The following C6orf58 variants were observed in gnomAD, a reference collection of about 807,000 sequenced individuals.
The protein encoded by C6orf58 is chromosome 6 open reading frame 58, also known as protein LEG1 homolog.
In C6orf58, 30 loss-of-function variants were observed where a neutral mutation model predicts 37.0. The ratio of observed to expected loss-of-function variants is 0.81; its 90% CI spans 0.61 to 1.10. The LOEUF is 1.10. C6orf58 is among the 50% of genes least tolerant of loss of function. C6orf58 has a pLI of 0.00. For synonymous variants in C6orf58, 143 were observed against 134.1 expected (o/e 1.07, Z -0.46); for missense variants, 368 against 387.5 (o/e 0.95, Z 0.42).
Position 127,591,779 on chromosome 6 carries a change from A to C in C6orf58, c.*157A>C. The C allele has an allele frequency of 1.7e-6, 1 of 589,114 alleles. No individual in the cohort carries two copies. The highest frequency in any genetic ancestry group is 2.5e-6 in the Non-Finnish European group (1 of 404,628). The allele number at this position is 589,114 out of a possible 1,614,324, so 36.5% of individuals were successfully genotyped here. On this transcript the variant is annotated 3_prime_UTR_variant, in exon 6 of 6. Transcript: ENST00000329722. The stretch of plus-strand genomic sequence containing the variant: ...ATGCTTATTTGTTAAGATCTTGTAC[A>C]TGTATTAAAAACTTAAATTAAATGC...
intron 4 of C6orf58, among the ~76,000 whole-genome samples, 190 bp downstream of exon 4, chr6:127,581,472 G>A (rs1402058940): frequency 1.3e-5 from 2 of 148,162 alleles, no homozygotes; most frequent in African/African-American, 2.5e-5. Context: ...GTTTTATGAA[G>A]AAGGGGAAAA....
In C6orf58 at chr6:127,581,285, A is replaced by G. The variant is rs1425049785; in HGVS notation, c.674+3A>G. 4.3e-6 allele frequency: 6 copies of G among 1,392,074 alleles called. No individual in the cohort carries two copies. The highest frequency in any genetic ancestry group is 5.9e-6 in the Non-Finnish European group (6 of 1,015,736). 86.2% of individuals were successfully genotyped at this position (1,392,074 alleles called of 1,614,324 possible). On this transcript the variant is annotated splice_donor_region_variant and intron_variant, in intron 4 of 5. Transcript: ENST00000329722. ...AATATCAAAAGTTTTGAAGACAGGT[A>G]AGAATGAATCTTTAAAGTATCTCTA...
intron 4 of C6orf58, among the ~76,000 whole-genome samples, chr6:127,583,962 C>A (rs779892060): frequency 1.4e-4 from 21 of 152,272 alleles, no homozygotes; most frequent in Non-Finnish European, 1.9e-4. Context: ...TGCTGTCAAT[C>A]AGTAGGACCT....
At chr6:127,578,871 G>C (rs1046138483) in intron 2 of C6orf58, 99 bp downstream of exon 2, 32 of 854,084 alleles carry the variant, frequency 3.7e-5, no homozygotes, top group Admixed American at 1.7e-4. Context: ...AAATAATCCT[G>C]TTCCTATTTT....
chr6:127,578,912 T>C lies in C6orf58; in HGVS notation c.388+140T>C, dbSNP rs1775018705. The C allele has an allele frequency of 4.9e-6, 3 of 616,204 alleles. No individual in the cohort carries two copies. In the South Asian group the frequency reaches 6.7e-5, roughly 14 times the overall value. The allele number at this position is 616,204 out of a possible 1,614,324, so 38.2% of individuals were successfully genotyped here. On this transcript the variant is annotated intron_variant, in intron 2 of 5. Coordinates refer to ENST00000329722, the MANE Select transcript of C6orf58 (RefSeq NM_001010905.3). ...GGAATCTATTTCACCGTGTACCTTA[T>C]GGCCTTTAGGTCACTTTAAGGGATT... is the stretch of plus-strand genomic sequence containing the variant.
At chr6:127,578,652 T>C in intron 1 of C6orf58, 34 bp from the exon 2 acceptor site, 8 of 1,496,198 alleles carry the variant, frequency 5.3e-6, no homozygotes, top group Non-Finnish European at 7.4e-6. Flanking sequence ...AAAATGCGTA[T>C]AATAAATACG....
At chr6:127,577,567 C>A in intron 1 of C6orf58, 81 bp downstream of exon 1, 1 of 1,162,056 alleles carries the variant, frequency 8.6e-7, no homozygotes, top group South Asian at 1.4e-5. Flanking sequence ...CTGTATATAC[C>A]CTACTATGTT....
intron 3 of C6orf58, 81 bp downstream of exon 3, chr6:127,580,530 C>A: frequency 1.9e-6 from 2 of 1,040,262 alleles, no homozygotes; most frequent in Non-Finnish European, 2.9e-6. Context: ...TTGTGCATTA[C>A]ATAATATTTT....
Position 127,590,237 on chromosome 6 carries a change from T to C in C6orf58, c.825T>C (p.Asp275=). Residue 275 remains aspartate, a synonymous_variant, in exon 5 of 6, where the codon GAT becomes GAC. Transcript: ENST00000329722. The part of the protein sequence containing the change: ...GMPPRILLNT[D]VAPFISDFTA... ...CACCACGAATTCTTCTTAATACTGA[T>C]GTAGCCCCTTTCATCAGTGACTTTA... The C allele has an allele frequency of 6.2e-7, 1 of 1,613,844 alleles. No homozygotes were observed. The highest frequency in any genetic ancestry group is 2.2e-5 in the East Asian group (1 of 44,852).
chr6:127,577,299 T>C lies in C6orf58; in HGVS notation c.114T>C (p.Gly38=). 1 of 1,613,654 alleles carries C rather than the reference T, an allele frequency of 6.2e-7. No individual in the cohort carries two copies. Among genetic ancestry groups the C allele is most frequent in the Non-Finnish European group, 8.5e-7 (1 of 1,179,648 alleles). ...TEPPLWKESP[G]QLSDYRVENS... is the part of the protein sequence containing the mutation. Reference sequence around the variant, plus strand: ...CCCCTCTGTGGAAGGAGAGTCCTGGTCAGCTCAGTGACTACAGGGTGGAGA... The same window carrying C: ...CCCCTCTGTGGAAGGAGAGTCCTGGCCAGCTCAGTGACTACAGGGTGGAGA... Residue 38 remains glycine (G), a synonymous_variant, in exon 1 of 6, where the codon GGT becomes GGC. Coordinates refer to ENST00000329722, the MANE Select transcript of C6orf58 (RefSeq NM_001010905.3).
Position 127,577,216 on chromosome 6 carries a change from C to A in C6orf58, c.31C>A (p.Leu11Ile), listed in dbSNP as rs1774997759. 6.2e-7 allele frequency: 1 copy of A among 1,613,370 alleles called. No individual in the cohort carries two copies. The highest frequency in any genetic ancestry group is 8.5e-7 in the Non-Finnish European group (1 of 1,179,618). The change falls in exon 1 of 6, where the codon CTA becomes ATA. Residue 11 changes from leucine (L) to isoleucine (I), a missense_variant. Transcript: ENST00000329722. ...TTTTCTTCCTTCCTGGGTTTGTGTA[C>A]TAGTTGGTTCCTTTTCTGCTTCCTT... MAFLPSWVCV[L>I]VGSFSASLAG...
At chr6:127,581,049 CA>C (rs2114291948) in intron 3 of C6orf58, 132 bp from the exon 4 acceptor site, 1 of 405,528 alleles carries the variant, frequency 2.5e-6, no homozygotes, top group African/African-American at 2.1e-5. Context: ...AGGCCATATA[CA>C]TACTTTTTCT....
At chr6:127,583,069 C>T (rs1354140648) in intron 4 of C6orf58, among the ~76,000 whole-genome samples, 3 of 152,122 alleles carry the variant, frequency 2.0e-5, no homozygotes, top group Non-Finnish European at 4.4e-5. Context: ...ATAAATTTGC[C>T]TACAAACGTC....
Position 127,580,132 on chromosome 6 carries a change from T to C in C6orf58, c.389-133T>C, listed in dbSNP as rs565786080. On this transcript the variant is annotated intron_variant, in intron 2 of 5. Transcript: ENST00000329722. ...TCCTTAGGGGGATTTTTGTTCAATA[T>C]TTTTTTCCTAATGGTTAGCTTTTAT... 6.6e-6 allele frequency: 4 copies of C among 605,408 alleles called. No homozygotes were observed. In the East Asian group the frequency reaches 1.1e-4, roughly 17 times the overall value. 37.5% of individuals were successfully genotyped at this position (605,408 alleles called of 1,614,324 possible). A position where few individuals can be genotyped will look rare whatever the true frequency, so the allele number is the denominator to read the frequency against.
intron 5 of C6orf58, among the ~76,000 whole-genome samples, chr6:127,590,720 A>G (rs1775153604): frequency 6.6e-6 from 1 of 152,100 alleles, no homozygotes; most frequent in Admixed American, 6.6e-5. Flanking sequence ...ACCTGCCATG[A>G]TTAATGAAAT....
At chr6:127,582,685 C>G (rs1775063006) in intron 4 of C6orf58, among the ~76,000 whole-genome samples, 1 of 152,172 alleles carries the variant, frequency 6.6e-6, no homozygotes, top group Admixed American at 6.5e-5. Flanking sequence ...TTTTACCCAA[C>G]AATACCCATT....
At chr6:127,585,027 C>A (rs1400754891) in intron 4 of C6orf58, among the ~76,000 whole-genome samples, 1 of 152,102 alleles carries the variant, frequency 6.6e-6, no homozygotes, top group Non-Finnish European at 1.5e-5. Flanking sequence ...TCAATCTCTT[C>A]CTAACAGTTC....
At chr6:127,591,365 T>C (rs1411283249) in intron 5 of C6orf58, among the ~76,000 whole-genome samples, 178 bp from the exon 6 acceptor site, 1 of 152,158 alleles carries the variant, frequency 6.6e-6, no homozygotes, top group Non-Finnish European at 1.5e-5. Context: ...TATTGCCAAA[T>C]GGTATTGCCA....
intron 4 of C6orf58, among the ~76,000 whole-genome samples, chr6:127,589,411 G>T (rs1465372899): frequency 6.6e-6 from 1 of 152,182 alleles, no homozygotes; most frequent in Non-Finnish European, 1.5e-5. Context: ...AGAAACAGAA[G>T]ACATGACTTT....
Sources: gnomAD v4.1 joint callset for allele counts (sites outside exome capture counted in the v4.1 genomes callset) on GRCh38, gnomAD v4.1.1 for gene constraint, MANE v1.5 for transcripts, NCBI Gene and HGNC (gene_info 2026-07-23, HGNC 2026-07-21) for gene names.